The following SHPRH variants were observed in gnomAD, a reference collection of about 807,000 sequenced individuals.
The protein encoded by SHPRH is SNF2 histone linker PHD RING helicase.
In SHPRH, 106 loss-of-function variants were observed where a neutral mutation model predicts 202.5. That is an observed-to-expected ratio of 0.52 (90% CI 0.45 to 0.62). The LOEUF (loss-of-function observed/expected upper bound fraction) is 0.62. SHPRH is among the 20% of genes least tolerant of loss of function. The probability of loss-of-function intolerance (pLI) is 0.00; values close to 1 mark genes in which losing one functional copy is unlikely to be tolerated. For missense variants in SHPRH, 1,710 were observed against 2,020.0 expected (o/e 0.85, Z 2.94); for synonymous variants, 729 against 686.0 (o/e 1.06, Z -0.98).
rs200152590 is a variant in SHPRH, at chr6:145,943,502, G to C, written c.1879C>G (p.His627Asp). ...GATTCAGCACAGTCCTCTGTTTCATGTTCTTGGTTGAATTCAGAGATACAT... is the reference window on the plus strand; with the variant it reads ...GATTCAGCACAGTCCTCTGTTTCATCTTCTTGGTTGAATTCAGAGATACAT... ...STCISEFNQE[H>D]ETEDCAESLN... Residue 627 changes from histidine to aspartate, a missense_variant, in exon 9 of 30, where the codon CAT becomes GAT. Physicochemically the swap from His to Asp is moderately conservative, Grantham distance 81 (BLOSUM62 -1). This residue lies in a region of SHPRH where 348 missense variants were observed against 356.9 expected (regional missense o/e 0.97). Transcript: ENST00000275233. 13 of 1,613,894 alleles carry C rather than the reference G, an allele frequency of 8.1e-6. No homozygotes were observed. Among genetic ancestry groups the C allele is most frequent in the Non-Finnish European group, 1.0e-5 (12 of 1,179,948 alleles).
chr6:145,879,339 T>C (rs1780447057), intron 2 of SHPRH, among the ~76,000 whole-genome samples: 1 of 152,184 alleles, frequency 6.6e-6, no homozygotes, highest in East Asian at 1.9e-4. Context: ...CCATTCCTCC[T>C]TGTATTTCTT....
chr6:145,929,922 A>C (rs1226108039), intron 14 of SHPRH, among the ~76,000 whole-genome samples: 3 of 152,104 alleles, frequency 2.0e-5, no homozygotes, highest in Admixed American at 6.6e-5. Flanking sequence ...CTCTGTTTTT[A>C]TAACGTTTTC....
At chr6:145,862,680 T>A (rs1387798382), downstream of SHPRH, 1 of 152,264 alleles carries the variant, frequency 6.6e-6, no homozygotes, top group Non-Finnish European at 1.5e-5. Flanking sequence ...GTTGAACAAT[T>A]TCTTCTGTGT....
chr6:145,924,710 C>T, intron 17 of SHPRH, 29 bp downstream of exon 17: 1 of 1,592,610 alleles, frequency 6.3e-7, no homozygotes, highest in East Asian at 2.2e-5. Flanking sequence ...GAGGCAAATA[C>T]AAGTAAGAAA....
At chr6:145,858,708 A>C in the SHPRH span, among the ~76,000 whole-genome samples, 1 of 152,094 alleles carries the variant, frequency 6.6e-6, no homozygotes, top group East Asian at 1.9e-4. Flanking sequence ...GCTGTTGATG[A>C]AATGTGAATC....
intron 14 of SHPRH, among the ~76,000 whole-genome samples, chr6:145,930,667 G>T (rs1456712659): frequency 6.6e-6 from 1 of 152,050 alleles, no homozygotes; most frequent in East Asian, 1.9e-4. Context: ...TACATTTAAT[G>T]TGTACTTGAA....
chr6:145,943,062 A>T, intron 9 of SHPRH, 81 bp downstream of exon 9: 1 of 1,463,460 alleles, frequency 6.8e-7, no homozygotes, highest in Non-Finnish European at 9.2e-7. Flanking sequence ...GATAAACCAC[A>T]AAGAAACAAA....
chr6:145,935,388 A>T lies in SHPRH; in HGVS notation c.2623T>A (p.Trp875Arg). Residue 875 changes from tryptophan (W) to arginine (R), a missense_variant, in exon 12 of 30, where the codon TGG becomes AGG. Trp to Arg is a moderately radical substitution (Grantham distance 101, BLOSUM62 -3). Transcript: ENST00000275233. ...GGCCGATAGAGAAGTCGAACCCACC[A>T]GTGTTTGACACAGTAAGGTTCAATA... is the stretch of plus-strand genomic sequence containing the variant. ...LGIEPYCVKH[W>R]WVRLLYRPYC... 1 of 1,614,060 alleles carries T rather than the reference A, an allele frequency of 6.2e-7. No homozygotes were observed. Among genetic ancestry groups the T allele is most frequent in the Non-Finnish European group, 8.5e-7 (1 of 1,180,004 alleles).
intron 4 of SHPRH, among the ~76,000 whole-genome samples, chr6:145,949,683 TC>T (rs1787775525): frequency 6.6e-6 from 1 of 151,940 alleles, no homozygotes; most frequent in Admixed American, 6.6e-5. Context: ...ATGCAATTCA[TC>T]CATGTAACCA....
At position 145,943,525 on chromosome 6, in the gene SHPRH, C is replaced by T. The variant is rs997141999; in HGVS notation, c.1856G>A (p.Cys619Tyr). The change falls in exon 9 of 30, where the codon TGT (cysteine) becomes TAT (tyrosine). Residue 619 changes from cysteine (C) to tyrosine (Y), a missense_variant. Cys to Tyr is a radical substitution (Grantham distance 194). This residue lies in a region of SHPRH where 348 missense variants were observed against 356.9 expected (regional missense o/e 0.97). Coordinates refer to ENST00000275233, the MANE Select transcript of SHPRH (RefSeq NM_001042683.3). The stretch of plus-strand genomic sequence containing the variant: ...ATGTTCTTGGTTGAATTCAGAGATA[C>T]ATGTACTTTTAGACATAGCAACATC... The part of the protein sequence containing the change: ...ITDVAMSKST[C>Y]ISEFNQEHET... The T allele has an allele frequency of 6.2e-6, 10 of 1,613,880 alleles. 1 individual carries two copies. The African/African-American group carries it at 6.7e-5, about 11-fold the overall frequency.
intron 25 of SHPRH, among the ~76,000 whole-genome samples, chr6:145,900,755 G>T (rs966949332): frequency 2.0e-5 from 3 of 151,980 alleles, no homozygotes; most frequent in Admixed American, 2.0e-4. Context: ...AATCATCTCT[G>T]TATTACTTAC....
chr6:145,925,794 C>G (rs1264929694), intron 16 of SHPRH, among the ~76,000 whole-genome samples: 1 of 151,896 alleles, frequency 6.6e-6, no homozygotes, highest in Non-Finnish European at 1.5e-5. Context: ...TTTGGGAGAA[C>G]TACCACCAAA....
intron 1 of SHPRH, among the ~76,000 whole-genome samples, chr6:145,961,504 A>G (rs909423217): frequency 3.3e-5 from 5 of 152,224 alleles, no homozygotes; most frequent in African/African-American, 9.6e-5. Context: ...GTGAGAAGTA[A>G]TATGTGCCAT....
intron 2 of SHPRH, among the ~76,000 whole-genome samples, chr6:145,878,865 G>A (rs777121536): frequency 2.6e-5 from 4 of 152,246 alleles, no homozygotes; most frequent in East Asian, 3.9e-4. Flanking sequence ...GAAACAACCA[G>A]CATTAGGCAG....
At chr6:145,913,438 G>A in intron 24 of SHPRH, 40 bp downstream of exon 24, 3 of 1,536,136 alleles carry the variant, frequency 2.0e-6, no homozygotes, top group African/African-American at 1.4e-5. Flanking sequence ...AAAACTGTAA[G>A]GTATTTTATA....
rs1177856578 is a variant in SHPRH, at chr6:145,924,834, G to C, written c.3307C>G (p.Arg1103Gly). Residue 1103 changes from arginine (R) to glycine (G), a missense_variant, in exon 17 of 30, where the codon CGA (arginine) becomes GGA (glycine). By Grantham distance (125) the Arg-to-Gly change is moderately radical. Around this residue, in one of 8 missense-constraint regions of SHPRH, gnomAD observed 288 missense variants for 317.8 expected, o/e 0.91. Coordinates refer to ENST00000275233, the MANE Select transcript of SHPRH (RefSeq NM_001042683.3). Reference protein sequence around the residue: ...GRLEEEAKQLREHYMSKCNTE... With the variant: ...GRLEEEAKQLGEHYMSKCNTE... ...TTACACTTGCTCATGTAGTGCTCTC[G>C]CAGCTGTTTGGCCTGTGTTGAAACA... 1 of 1,610,950 alleles carries C rather than the reference G, an allele frequency of 6.2e-7. No individual in the cohort carries two copies. The highest frequency in any genetic ancestry group is 1.7e-5 in the Admixed American group (1 of 59,764).
chr6:145,910,145 C>T (rs1348215203), intron 25 of SHPRH: 1 of 230,772 alleles, frequency 4.3e-6, no homozygotes, highest in African/African-American at 2.2e-5. Context: ...AACCAGACCT[C>T]TGTCTACTTG....
intron 24 of SHPRH, among the ~76,000 whole-genome samples, chr6:145,912,102 C>T (rs1364009562): frequency 1.4e-5 from 2 of 147,204 alleles, no homozygotes; most frequent in East Asian, 3.9e-4. Context: ...CAACGAGATA[C>T]CTGGCACCTG....
intron 11 of SHPRH, among the ~76,000 whole-genome samples, chr6:145,936,978 CTTTTTT>C (rs1206387630): frequency 1.6e-5 from 2 of 125,656 alleles, no homozygotes; most frequent in Admixed American, 8.2e-5. Flanking sequence ...CATGCTTCAT[CTTTTTT>C]TTTTTTTTTT....
Sources: gnomAD v4.1 joint callset for allele counts (sites outside exome capture counted in the v4.1 genomes callset) on GRCh38, gnomAD v4.1.1 for gene constraint, gnomAD v4.1.1 regional missense constraint, MANE v1.5 for transcripts, NCBI Gene and HGNC (gene_info 2026-07-23, HGNC 2026-07-21) for gene names.